The following WDR41 variants were observed in gnomAD, a reference collection of about 807,000 sequenced individuals.
The protein encoded by WDR41 is WD repeat domain 41.
Under a neutral mutation model 69.3 loss-of-function variants are expected in WDR41, and 63 were observed. That is an observed-to-expected ratio of 0.91 (90% CI 0.74 to 1.12). The LOEUF is 1.12. Ranked by LOEUF, WDR41 falls within the 50% of genes most tolerant of loss-of-function variation. The pLI, the probability that WDR41 is intolerant of heterozygous loss-of-function variation, is 0.00. For synonymous variants in WDR41, 185 were observed against 192.1 expected (o/e 0.96, Z 0.31); for missense variants, 543 against 534.5 (o/e 1.02, Z -0.16).
At chr5:77,485,661 C>G (rs1228932762) in intron 2 of WDR41, among the ~76,000 whole-genome samples, 1 of 152,106 alleles carries the variant, frequency 6.6e-6, no homozygotes, top group African/African-American at 2.4e-5. Flanking sequence ...TTAGCACAGC[C>G]CATTTTTTGG....
chr5:77,563,379 A>G lies in WDR41; in HGVS notation c.42+57100T>C, dbSNP rs1055542551. On this transcript the variant is annotated intron_variant, in intron 1 of 5. Transcript: ENST00000509971. ...CTCATCTAAGACCCCTCTACAGCCA[A>G]CCCCACCAAAACAGCACTCCCCTAC... is the stretch of plus-strand genomic sequence containing the variant. Among the ~76,000 whole-genome samples the G allele has an allele frequency of 3.9e-5, 6 of 151,952 alleles. No individual in the cohort carries two copies. The East Asian group carries it at 1.2e-3, about 29-fold the overall frequency.
chr5:77,547,475 G>A (rs1441092972), intron 1 of WDR41, among the ~76,000 whole-genome samples: 7 of 151,514 alleles, frequency 4.6e-5, no homozygotes, highest in East Asian at 1.9e-4. Context: ...ATACACCAAC[G>A]GTGACCAAGC....
At chr5:77,433,705 C>A (rs1270686843) in intron 12 of WDR41, among the ~76,000 whole-genome samples, 1 of 152,040 alleles carries the variant, frequency 6.6e-6, no homozygotes, top group Non-Finnish European at 1.5e-5. Context: ...TGTTAAGTGT[C>A]AGCACTACGT....
intron 2 of WDR41, among the ~76,000 whole-genome samples, chr5:77,474,402 A>G (rs957764523): frequency 4.6e-5 from 7 of 151,986 alleles, no homozygotes; most frequent in Admixed American, 1.3e-4. Flanking sequence ...TAACCTGCAC[A>G]TTGTGCACAT....
chr5:77,449,715 A>AAC, intron 8 of WDR41, 45 bp downstream of exon 8: 1 of 1,374,128 alleles, frequency 7.3e-7, no homozygotes, highest in Non-Finnish European at 1.0e-6. Context: ...AGGTTGTGTT[A>AAC]ACAAGCACAA....
chr5:77,594,628 C>A (rs943608090), intron 1 of WDR41, among the ~76,000 whole-genome samples: 6 of 152,110 alleles, frequency 3.9e-5, no homozygotes, highest in African/African-American at 1.4e-4. Context: ...CTGCAGGTTT[C>A]CCTGGCTATG....
chr5:77,514,112 A>G (rs1039120425), intron 1 of WDR41, among the ~76,000 whole-genome samples: 1 of 152,206 alleles, frequency 6.6e-6, no homozygotes, highest in African/African-American at 2.4e-5. Context: ...AGTACATTAT[A>G]CAGAATTAGG....
intron 1 of WDR41, among the ~76,000 whole-genome samples, chr5:77,577,400 T>C (rs1014135241): frequency 6.9e-6 from 1 of 145,450 alleles, no homozygotes; most frequent in African/African-American, 2.6e-5. Flanking sequence ...CAATAAAATA[T>C]GAGAAATTGC....
At chr5:77,544,220 C>A (rs992897412) in intron 1 of WDR41, among the ~76,000 whole-genome samples, 6 of 141,906 alleles carry the variant, frequency 4.2e-5, no homozygotes, top group South Asian at 4.3e-4. Context: ...CTCATAGGAC[C>A]TATAAAACAA....
intron 2 of WDR41, among the ~76,000 whole-genome samples, chr5:77,488,644 A>T (rs968634181): frequency 6.6e-6 from 1 of 152,158 alleles, no homozygotes; most frequent in African/African-American, 2.4e-5. Flanking sequence ...TTAGGACGGC[A>T]TTCAATGTGG....
At chr5:77,524,924 T>C (rs1184975270) in intron 1 of WDR41, among the ~76,000 whole-genome samples, 1 of 152,224 alleles carries the variant, frequency 6.6e-6, no homozygotes, top group East Asian at 1.9e-4. Flanking sequence ...TGTTTTAATA[T>C]AAAATAATGC....
intron 2 of WDR41, among the ~76,000 whole-genome samples, chr5:77,470,730 A>G (rs1459867536): frequency 6.6e-6 from 1 of 152,214 alleles, no homozygotes; most frequent in Non-Finnish European, 1.5e-5. Context: ...AGAGCTAACT[A>G]TCCTAAATAT....
chr5:77,588,259 A>G (rs1429281560), intron 1 of WDR41, among the ~76,000 whole-genome samples: 5 of 152,164 alleles, frequency 3.3e-5, no homozygotes, highest in Non-Finnish European at 7.4e-5. Flanking sequence ...GTGTCTTTTA[A>G]TTAACAGATA....
chr5:77,559,928 A>G (rs1743490804), intron 1 of WDR41, among the ~76,000 whole-genome samples: 1 of 152,164 alleles, frequency 6.6e-6, no homozygotes, highest in Non-Finnish European at 1.5e-5. Context: ...AGCAGGCCTA[A>G]AAGAACTCCA....
chr5:77,495,123 C>A (rs930937039), upstream of WDR41, among the ~76,000 whole-genome samples: 10 of 151,860 alleles, frequency 6.6e-5, no homozygotes, highest in African/African-American at 2.4e-4. Flanking sequence ...TTACGGGATG[C>A]GGTAAAAGCA....
intron 1 of WDR41, among the ~76,000 whole-genome samples, chr5:77,567,311 G>C (rs1370153419): frequency 2.6e-5 from 4 of 152,132 alleles, no homozygotes; most frequent in African/African-American, 9.7e-5. Flanking sequence ...TGACTGGCTT[G>C]CATTTCAGCA....
intron 1 of WDR41, among the ~76,000 whole-genome samples, chr5:77,595,588 T>C (rs1173940614): frequency 6.7e-6 from 1 of 149,332 alleles, no homozygotes; most frequent in Non-Finnish European, 1.5e-5. Flanking sequence ...ATTTCCACTA[T>C]TGTAAGTGGT....
At chr5:77,514,894 TCTA>T (rs1802270622) in intron 1 of WDR41, among the ~76,000 whole-genome samples, 1 of 152,092 alleles carries the variant, frequency 6.6e-6, no homozygotes, top group Non-Finnish European at 1.5e-5. Flanking sequence ...TTTAAAAGGG[TCTA>T]CTTGTATAGA....
chr5:77,495,900 A>G (rs1013986719), upstream of WDR41, among the ~76,000 whole-genome samples: 1 of 152,098 alleles, frequency 6.6e-6, no homozygotes, highest in African/African-American at 2.4e-5. Context: ...CCAACAGCAT[A>G]TTAACAAGTA....
Sources: gnomAD v4.1 joint callset for allele counts (sites outside exome capture counted in the v4.1 genomes callset) on GRCh38, gnomAD v4.1.1 for gene constraint, MANE v1.5 for transcripts, NCBI Gene and HGNC (gene_info 2026-07-23, HGNC 2026-07-21) for gene names.